FANCL: variants seen among roughly 807,000 people sequenced by gnomAD.
FANCL encodes E3 ubiquitin-protein ligase FANCL.
In FANCL, 69 loss-of-function variants were observed where a neutral mutation model predicts 59.4. The ratio of observed to expected loss-of-function variants is 1.16; its 90% confidence interval spans 0.96 to 1.42. FANCL has a LOEUF of 1.42. Ranked by LOEUF, FANCL falls within the 40% of genes most tolerant of loss-of-function variation. The probability of loss-of-function intolerance (pLI) is 0.00; values close to 1 mark genes in which losing one functional copy is unlikely to be tolerated. For missense variants in FANCL, 519 were observed against 447.2 expected, an observed-to-expected ratio of 1.16 and a Z score of -1.45; for synonymous variants, 180 against 147.1, an observed-to-expected ratio of 1.22 and a Z score of -1.62.
chr2:58,168,146 T>G (rs848285), intron 7 of FANCL, among the ~76,000 whole-genome samples: 43,122 of 152,032 alleles, frequency 0.28, 6,771 homozygotes, highest in South Asian at 0.41. Context: ...TAGCTAACAT[T>G]CTTGGTGGCT....
Position 58,165,873 on chromosome 2 carries a change from C to T in FANCL, c.542G>A (p.Ser181Asn), listed in dbSNP as rs1685888467. The change falls in exon 8 of 14, where the codon AGC becomes AAC. Residue 181 changes from serine to asparagine, a missense_variant and splice_region_variant. Transcript: ENST00000233741. ...VPFCASWTPQSSLISIYSQFL... is the reference protein window; with the variant it reads ...VPFCASWTPQNSLISIYSQFL... ...CTGACTATAAATGCTTATTAAGGAG[C>T]TCTGTGAAAAAAATGAAAGTTGAAT... The T allele has an allele frequency of 6.2e-7, 1 of 1,613,784 alleles. No individual in the cohort carries two copies. The highest frequency in any genetic ancestry group is 8.5e-7 in the Non-Finnish European group (1 of 1,179,826).
At position 58,162,834 on chromosome 2, in the gene FANCL, G is replaced by C. The variant is rs149412402; in HGVS notation, c.903+32C>G. 9.1e-3 allele frequency: 14,151 copies of C among 1,563,362 alleles called. 75 individuals are homozygous for C. The highest frequency in any genetic ancestry group is 0.011 in the Non-Finnish European group (12,357 of 1,135,566). On this transcript the variant is annotated intron_variant, in intron 11 of 13. Coordinates refer to ENST00000233741, the MANE Select transcript of FANCL (RefSeq NM_018062.4). ...CATTTAAACTTCATTATGCAATACT[G>C]TCTGGAATATCAAAACACTGATAAA... is the stretch of plus-strand genomic sequence containing the variant.
intron 5 of FANCL, among the ~76,000 whole-genome samples, chr2:58,205,349 G>A (rs1414233842): frequency 6.8e-6 from 1 of 147,094 alleles, no homozygotes. Flanking sequence ...AAAGTCTAGG[G>A]TCTTAGAAAA....
At chr2:58,227,636 G>C (rs1006819953) in intron 3 of FANCL, among the ~76,000 whole-genome samples, 1 of 152,094 alleles carries the variant, frequency 6.6e-6, no homozygotes, top group East Asian at 1.9e-4. Flanking sequence ...TTCCTCCACC[G>C]ATATATTTCT....
chr2:58,232,029 C>T (rs370676351), intron 2 of FANCL, 25 bp downstream of exon 2: 14 of 1,606,714 alleles, frequency 8.7e-6, no homozygotes, highest in African/African-American at 5.4e-5. Flanking sequence ...CAAAAATGCA[C>T]GTTTATAACT....
chr2:58,188,591 C>G lies in FANCL; in HGVS notation c.540+10003G>C, dbSNP rs112156290. Among the ~76,000 whole-genome samples, 971 of 151,962 alleles carry G rather than the reference C, an allele frequency of 6.4e-3. 9 individuals are homozygous for G. Among genetic ancestry groups the G allele is most frequent in the Middle Eastern group, 0.048 (14 of 294 alleles). ...TAGCTGGGGGACTACAGACACGTTG[C>G]CCCCACACCCAGCTGATTTTTGTAT... On this transcript the variant is annotated intron_variant, in intron 7 of 13. Coordinates refer to ENST00000233741, the MANE Select transcript of FANCL (RefSeq NM_018062.4).
intron 7 of FANCL, among the ~76,000 whole-genome samples, chr2:58,174,521 C>A (rs1191129658): frequency 6.6e-6 from 1 of 152,180 alleles, no homozygotes; most frequent in South Asian, 2.1e-4. Context: ...AACTGAACAA[C>A]CTGCTCCAGA....
At chr2:58,237,012 T>C (rs577010040) in intron 1 of FANCL, among the ~76,000 whole-genome samples, 9 of 152,246 alleles carry the variant, frequency 5.9e-5, no homozygotes, top group East Asian at 1.9e-4. Context: ...ACAAAGATCG[T>C]TGGAGATTTC....
At chr2:58,188,621 TG>T (rs1349985433) in intron 7 of FANCL, among the ~76,000 whole-genome samples, 3 of 151,850 alleles carry the variant, frequency 2.0e-5, no homozygotes, top group African/African-American at 7.3e-5. Context: ...TTGTATTTTT[TG>T]TAGAGACGAG....
chr2:58,202,966 G>A (rs1403399024), intron 6 of FANCL, among the ~76,000 whole-genome samples: 1 of 149,166 alleles, frequency 6.7e-6, no homozygotes, highest in African/African-American at 2.5e-5. Context: ...TGAAGGAAAT[G>A]ACAGAACCCT....
chr2:58,216,247 T>A (rs1325877549), intron 5 of FANCL, among the ~76,000 whole-genome samples: 1 of 152,150 alleles, frequency 6.6e-6, no homozygotes, highest in Non-Finnish European at 1.5e-5. Flanking sequence ...CTACAACCCA[T>A]CCTGAACCCA....
chr2:58,181,922 G>T, intron 7 of FANCL, among the ~76,000 whole-genome samples: 1 of 151,048 alleles, frequency 6.6e-6, no homozygotes, highest in Non-Finnish European at 1.5e-5. Flanking sequence ...TTAATAACTG[G>T]CCTTTTAAAA....
chr2:58,220,414 A>C (rs939112905), intron 5 of FANCL, among the ~76,000 whole-genome samples: 1 of 152,250 alleles, frequency 6.6e-6, no homozygotes, highest in Admixed American at 6.5e-5. Context: ...TGATCTACAC[A>C]TAAGAAGAGA....
intron 7 of FANCL, among the ~76,000 whole-genome samples, chr2:58,198,334 A>C (rs1689648846): frequency 6.6e-6 from 1 of 152,156 alleles, no homozygotes; most frequent in Non-Finnish European, 1.5e-5. Flanking sequence ...ATAAATAAAT[A>C]ACATAACTAT....
intron 7 of FANCL, among the ~76,000 whole-genome samples, chr2:58,175,384 A>T (rs1173669050): frequency 6.6e-6 from 1 of 150,472 alleles, no homozygotes; most frequent in Non-Finnish European, 1.5e-5. Flanking sequence ...AAAAATCCTC[A>T]ATAAAATACT....
At chr2:58,183,715 A>T (rs1222051202) in intron 7 of FANCL, among the ~76,000 whole-genome samples, 1 of 151,956 alleles carries the variant, frequency 6.6e-6, no homozygotes, top group Non-Finnish European at 1.5e-5. Flanking sequence ...AGAAAAGCAC[A>T]TGTAGAAATA....
chr2:58,174,148 T>C (rs1426866820), intron 7 of FANCL, among the ~76,000 whole-genome samples: 1 of 151,994 alleles, frequency 6.6e-6, no homozygotes, highest in Middle Eastern at 3.2e-3. Context: ...AAGTCCTGAG[T>C]GACCTACAAA....
At chr2:58,181,159 C>T (rs999808627) in intron 7 of FANCL, among the ~76,000 whole-genome samples, 1 of 152,012 alleles carries the variant, frequency 6.6e-6, no homozygotes, top group African/African-American at 2.4e-5. Context: ...AGATGTTTGT[C>T]AACAGGCAAA....
intron 5 of FANCL, among the ~76,000 whole-genome samples, chr2:58,204,599 T>G (rs1690394554): frequency 6.6e-6 from 1 of 152,096 alleles, no homozygotes; most frequent in Non-Finnish European, 1.5e-5. Flanking sequence ...TTTCTGTAGT[T>G]TCATACAGTA....
Sources: gnomAD v4.1 joint callset for allele counts (sites outside exome capture counted in the v4.1 genomes callset) on GRCh38, gnomAD v4.1.1 for gene constraint, MANE v1.5 for transcripts, NCBI Gene and HGNC (gene_info 2026-07-23, HGNC 2026-07-21) for gene names.